Variants in VWA5B2 observed in about 807,000 individuals in gnomAD.
VWA5B2 encodes von Willebrand factor A domain-containing protein 5B2.
A neutral mutation model predicts 118.5 loss-of-function variants in VWA5B2; 93 were observed. The ratio of observed to expected loss-of-function variants is 0.79; its 90% CI spans 0.66 to 0.93. The LOEUF (loss-of-function observed/expected upper bound fraction) is 0.93. VWA5B2 is among the 40% of genes least tolerant of loss of function. VWA5B2 has a pLI of 0.00. For missense variants in VWA5B2, 1,546 were observed against 1,672.8 expected (o/e 0.92, Z 1.32); for synonymous variants, 708 against 716.3 (o/e 0.99, Z 0.19).
chr3:184,234,136 C>A, intron 5 of VWA5B2, 130 bp from the exon 6 acceptor site: 1 of 1,206,052 alleles, frequency 8.3e-7, no homozygotes. Context: ...CACATCCTCC[C>A]TCGTCCATCT....
intron 3 of VWA5B2, among the ~76,000 whole-genome samples, chr3:184,232,193 G>T (rs1022642776): frequency 6.6e-6 from 1 of 152,066 alleles, no homozygotes; most frequent in Non-Finnish European, 1.5e-5. Context: ...CATAGCAGGG[G>T]TCACTGACTT....
chr3:184,231,496 C>A (rs539080689), intron 3 of VWA5B2, among the ~76,000 whole-genome samples: 9 of 152,350 alleles, frequency 5.9e-5, no homozygotes, highest in Middle Eastern at 3.4e-3. Flanking sequence ...AAACGTCATT[C>A]CTAGGGAAAC....
intron 7 of VWA5B2, 153 bp downstream of exon 7, chr3:184,234,908 T>G (rs771741796): frequency 4.8e-5 from 61 of 1,264,552 alleles, no homozygotes; most frequent in Admixed American, 1.1e-4. Flanking sequence ...AGAGGACAGA[T>G]GAGTATTGTC....
intron 10 of VWA5B2, 36 bp downstream of exon 10, chr3:184,236,587 G>A: frequency 1.3e-6 from 2 of 1,548,174 alleles, no homozygotes; most frequent in Non-Finnish European, 8.7e-7. Context: ...GTAAGACTGA[G>A]CCCCCACAAG....
In VWA5B2 at chr3:184,234,756, G is replaced by A; in HGVS notation, c.945+1G>A. ...AAGGGACAGTGATGGGGACCGGCAG[G>A]TACCGCCATAGGAGCCTGGCCTGGC... On this transcript the variant is annotated splice_donor_variant, in intron 7 of 19. Coordinates refer to ENST00000691901, the MANE Select transcript of VWA5B2 (RefSeq NM_001390846.1). LOFTEE classifies it high-confidence loss of function. The A allele has an allele frequency of 2.6e-6, 4 of 1,550,586 alleles. No individual in the cohort carries two copies. Among genetic ancestry groups the A allele is most frequent in the Non-Finnish European group, 3.5e-6 (4 of 1,146,776 alleles).
rs1310777292 is a variant in VWA5B2 at position 184,236,529 on chromosome 3, AG to A, written c.1401del (p.Arg467SerfsTer36). 1 of 1,549,978 alleles carries A rather than the reference AG, an allele frequency of 6.5e-7. No homozygotes were observed. Among genetic ancestry groups the A allele is most frequent in the African/African-American group, 1.4e-5 (1 of 73,044 alleles). The stretch of plus-strand genomic sequence containing the variant: ...TACCCACCGAACCCTGGAGCTCATG[AG>A]GTGGCACAGGGGGACAGCCAGGTAT... ...ATTHRTLELMRWHRGTARCFS... is the reference protein window; with the variant it reads ...ATTHRTLELMXWHRGTARCFS... On this transcript the variant is annotated frameshift_variant, in exon 10 of 20. Transcript: ENST00000691901. LOFTEE classifies it high-confidence loss of function.
At position 184,239,504 on chromosome 3, in the gene VWA5B2, G is replaced by C; in HGVS notation, c.2313G>C (p.Arg771=). ...CAAACCAAGTCCCCGGCCGACCCCGGAAACCCTCTTTGGGTGCAATACTAG... is the reference window on the plus strand; with the variant it reads ...CAAACCAAGTCCCCGGCCGACCCCGCAAACCCTCTTTGGGTGCAATACTAG... ...GRANQVPGRP[R]KPSLGAILDG... Residue 771 remains arginine, a synonymous_variant, in exon 15 of 20, where the codon CGG becomes CGC. Coordinates refer to ENST00000691901, the MANE Select transcript of VWA5B2 (RefSeq NM_001390846.1). The surrounding 1 kb of genome is among the most constrained non-coding windows in gnomAD (Gnocchi z 5.1). The C allele has an allele frequency of 6.5e-7, 1 of 1,550,094 alleles. No homozygotes were observed. The highest frequency in any genetic ancestry group is 2.4e-5 in the East Asian group (1 of 40,874).
In VWA5B2 at chr3:184,237,852, T is replaced by G. The variant is rs1043019455; in HGVS notation, c.1719+441T>G. Reference sequence around the variant, plus strand: ...GCTCTGTCACTTACCAGCCATTTGATTTGAGCAAGTCACTTCACCTCACTG... The same window carrying G: ...GCTCTGTCACTTACCAGCCATTTGAGTTGAGCAAGTCACTTCACCTCACTG... On this transcript the variant is annotated intron_variant, in intron 12 of 19. Coordinates refer to ENST00000691901, the MANE Select transcript of VWA5B2 (RefSeq NM_001390846.1). This position sits in a 1 kb window ranked among gnomAD's most constrained non-coding sequence, Gnocchi z 5.6. Among the ~76,000 whole-genome samples, 3 of 152,326 alleles carry G rather than the reference T, an allele frequency of 2.0e-5. No homozygotes were observed. The highest frequency in any genetic ancestry group is 7.2e-5 in the African/African-American group (3 of 41,576).
In VWA5B2 at chr3:184,233,740, G is replaced by A. The variant is rs1447474192; in HGVS notation, c.688+7G>A. 1 of 1,549,604 alleles carries A rather than the reference G, an allele frequency of 6.5e-7. No homozygotes were observed. Among genetic ancestry groups the A allele is most frequent in the Non-Finnish European group, 8.7e-7 (1 of 1,146,772 alleles). ...GGGCCATGCCTGCTTGCAGGTGGGTGCATCTGGCTGGCCTGCCCTCTTTTC... is the reference window on the plus strand; with the variant it reads ...GGGCCATGCCTGCTTGCAGGTGGGTACATCTGGCTGGCCTGCCCTCTTTTC... On this transcript the variant is annotated splice_region_variant and intron_variant, in intron 5 of 19. Coordinates refer to ENST00000691901, the MANE Select transcript of VWA5B2 (RefSeq NM_001390846.1). This position sits in a 1 kb window ranked among gnomAD's most constrained non-coding sequence, Gnocchi z 5.2.
intron 3 of VWA5B2, 35 bp downstream of exon 3, chr3:184,230,952 A>G: frequency 8.3e-7 from 1 of 1,208,196 alleles, no homozygotes; most frequent in East Asian, 3.4e-5. Flanking sequence ...CGCTCCTGAA[A>G]GCCGGGCGCA....
intron 16 of VWA5B2, 41 bp downstream of exon 16, chr3:184,240,077 G>T: frequency 6.3e-6 from 9 of 1,428,026 alleles, no homozygotes; most frequent in Non-Finnish European, 8.4e-6. Context: ...AAAGGCATGG[G>T]CTAAAAACAG....
In VWA5B2 at chr3:184,234,705, C is replaced by A. The variant is rs762461309; in HGVS notation, c.895C>A (p.Arg299Ser). 3 of 1,551,448 alleles carry A rather than the reference C, an allele frequency of 1.9e-6. No individual in the cohort carries two copies. Among genetic ancestry groups the A allele is most frequent in the Non-Finnish European group, 2.6e-6 (3 of 1,146,996 alleles). The change falls in exon 7 of 20, where the codon CGC (arginine) becomes AGC (serine). Residue 299 changes from arginine to serine, a missense_variant. This residue lies in a region of VWA5B2 where 775 missense variants were observed against 882.3 expected (regional missense o/e 0.88). Coordinates refer to ENST00000691901, the MANE Select transcript of VWA5B2 (RefSeq NM_001390846.1). ...AGAATATGAGGCCCGGGTGAGGGCC[C>A]GCCGAGATTTTCAGAGGCTACAGCG... ...SAEYEARVRARRDFQRLQRRD... is the reference protein window; with the variant it reads ...SAEYEARVRASRDFQRLQRRD...
Position 184,238,501 on chromosome 3 carries a change from C to T in VWA5B2, c.1891+27C>T, listed in dbSNP as rs1718232903. The T allele has an allele frequency of 6.5e-7, 1 of 1,537,442 alleles. No homozygotes were observed. Among genetic ancestry groups the T allele is most frequent in the Non-Finnish European group, 8.8e-7 (1 of 1,136,446 alleles). ...TGAGTGCCCAGGTGTATGTGTGTGG[C>T]TGTATTGGAGTGGGCGCTGGGAGGG... On this transcript the variant is annotated intron_variant, in intron 13 of 19. Coordinates refer to ENST00000691901, the MANE Select transcript of VWA5B2 (RefSeq NM_001390846.1). This position sits in a 1 kb window ranked among gnomAD's most constrained non-coding sequence, Gnocchi z 5.0.
In VWA5B2 at chr3:184,241,250, CT is replaced by C; in HGVS notation, c.3029del (p.Leu1010TrpfsTer162). The part of the protein sequence containing the change: ...DSDQNGNSKR[A>X]LGDPATPTEG... ...GACCAAAATGGCAACTCCAAGCGTG[CT>C]TTGGGGGACCCTGCCACTCCCACGG... On this transcript the variant is annotated frameshift_variant, in exon 19 of 20. Transcript: ENST00000691901. LOFTEE classifies it high-confidence loss of function. This position sits in a 1 kb window ranked among gnomAD's most constrained non-coding sequence, Gnocchi z 5.1. 6.4e-7 allele frequency: 1 copy of C among 1,551,224 alleles called. No individual in the cohort carries two copies. Among genetic ancestry groups the C allele is most frequent in the Non-Finnish European group, 8.7e-7 (1 of 1,146,950 alleles).
chr3:184,240,020 G>GC lies in VWA5B2; in HGVS notation c.2724_2725insC (p.Thr909HisfsTer4), dbSNP rs1192453748. ...AGCTGGCCCTCCGAGGAGGGGCAGA[G>GC]ACCACAGCTGACCGGGGTGAGTTGC... On this transcript the variant is annotated frameshift_variant, in exon 16 of 20. Coordinates refer to ENST00000691901, the MANE Select transcript of VWA5B2 (RefSeq NM_001390846.1). LOFTEE classifies it high-confidence loss of function. 2.8e-5 allele frequency: 43 copies of GC among 1,539,838 alleles called. No individual in the cohort carries two copies. In the African/African-American group the frequency reaches 5.2e-4, roughly 19 times the overall value.
chr3:184,238,858 A>G lies in VWA5B2; in HGVS notation c.2187A>G (p.Thr729=). 9 of 1,503,736 alleles carry G rather than the reference A, an allele frequency of 6.0e-6. No individual in the cohort carries two copies. Among genetic ancestry groups the G allele is most frequent in the African/African-American group, 1.4e-5 (1 of 71,888 alleles). The allele number at this position is 1,503,736 out of a possible 1,614,324, so 93.1% of individuals were successfully genotyped here. Residue 729 remains threonine (T), a synonymous_variant, in exon 14 of 20, where the codon ACA becomes ACG. Transcript: ENST00000691901. This position sits in a 1 kb window ranked among gnomAD's most constrained non-coding sequence, Gnocchi z 5.0. ...GSRSCPLPAP[T]PAPFKVGALS... is the part of the protein sequence containing the mutation. ...GCTCCTGTCCCCTGCCTGCACCCAC[A>G]CCAGCTCCATTCAAGGTGAGATCCA...
At chr3:184,234,125 G>C in intron 5 of VWA5B2, 141 bp from the exon 6 acceptor site, 3 of 1,111,990 alleles carry the variant, frequency 2.7e-6, no homozygotes, top group Non-Finnish European at 3.8e-6. Flanking sequence ...ATGAAAGCAG[G>C]CACATCCTCC....
At position 184,230,816 on chromosome 3, in the gene VWA5B2, G is replaced by C; in HGVS notation, c.209G>C (p.Arg70Pro). The C allele has an allele frequency of 8.0e-7, 1 of 1,254,554 alleles. No homozygotes were observed. The highest frequency in any genetic ancestry group is 1.0e-6 in the Non-Finnish European group (1 of 999,812). The allele number at this position is 1,254,554 out of a possible 1,614,324, so 77.7% of individuals were successfully genotyped here. A position where few individuals can be genotyped will look rare whatever the true frequency, so the allele number is the denominator to read the frequency against. The part of the protein sequence containing the change: ...SGFEAEAAGR[R>P]VSFQLQSRRR... Reference sequence around the variant, plus strand: ...TTCGAGGCCGAGGCCGCCGGACGGCGCGTCTCCTTCCAGCTGCAGAGCCGG... The same window carrying C: ...TTCGAGGCCGAGGCCGCCGGACGGCCCGTCTCCTTCCAGCTGCAGAGCCGG... The change falls in exon 3 of 20, where the codon CGC becomes CCC. Residue 70 changes from arginine (R) to proline (P), a missense_variant. Arg to Pro is a moderately radical substitution (Grantham distance 103, BLOSUM62 -2). Around this residue, in one of 3 missense-constraint regions of VWA5B2, gnomAD observed 775 missense variants for 882.3 expected, o/e 0.88. Coordinates refer to ENST00000691901, the MANE Select transcript of VWA5B2 (RefSeq NM_001390846.1).
chr3:184,236,719 CCTGAGGCCT>C lies in VWA5B2; in HGVS notation c.1504_1512del (p.Leu502_Pro504del). Reference sequence around the variant, plus strand: ...CCCTCAGCAGAGGCCAGGCCTACTTCCTGAGGCCTGGGCAGAGGCTGCAGCCCATGGTGA... The same window carrying C: ...CCCTCAGCAGAGGCCAGGCCTACTTCGGGCAGAGGCTGCAGCCCATGGTGA... On this transcript the variant is annotated inframe_deletion, in exon 11 of 20. Transcript: ENST00000691901. 1 of 1,547,824 alleles carries C rather than the reference CCTGAGGCCT, an allele frequency of 6.5e-7. No homozygotes were observed. The highest frequency in any genetic ancestry group is 1.2e-5 in the South Asian group (1 of 83,934).
Sources: gnomAD v4.1 joint callset for allele counts (sites outside exome capture counted in the v4.1 genomes callset) on GRCh38, gnomAD v4.1.1 for gene constraint, gnomAD v4.1.1 regional missense constraint, Gnocchi (gnomAD v3.1) non-coding constraint, MANE v1.5 for transcripts, NCBI Gene and HGNC (gene_info 2026-07-23, HGNC 2026-07-21) for gene names.